The following ZGRF1 variants were observed in gnomAD, a reference collection of about 807,000 sequenced individuals.
ZGRF1 encodes the protein 5'-3' DNA helicase ZGRF1.
Under a neutral mutation model 203.5 loss-of-function variants are expected in ZGRF1, and 196 were observed. That is an observed-to-expected ratio of 0.96 (90% CI 0.86 to 1.08). ZGRF1 has a LOEUF of 1.08. Ranked by LOEUF, ZGRF1 falls within the 50% of genes least tolerant of loss-of-function variation. The pLI is 0.00. For synonymous variants in ZGRF1, 809 were observed against 841.3 expected (o/e 0.96, Z 0.66); for missense variants, 2,326 against 2,416.3 (o/e 0.96, Z 0.78).
In ZGRF1 at chr4:112,618,083, A is replaced by G; in HGVS notation, c.1959T>C (p.Ala653=). Reference sequence around the variant, plus strand: ...CATCTTCTTTATTATCTCCGTATACAGCATCAGTCCACTTGAAAGATTCAA... The same window carrying G: ...CATCTTCTTTATTATCTCCGTATACGGCATCAGTCCACTTGAAAGATTCAA... The part of the protein sequence containing the change: ...SNFESFKWTD[A]VYGDNKEDAN... The change falls in exon 6 of 28, where the codon GCT becomes GCC. Residue 653 remains alanine (A), a synonymous_variant. Transcript: ENST00000505019. 6.2e-7 allele frequency: 1 copy of G among 1,613,964 alleles called. No individual in the cohort carries two copies. Among genetic ancestry groups the G allele is most frequent in the Non-Finnish European group, 8.5e-7 (1 of 1,179,940 alleles).
chr4:112,566,587 A>T (rs1292263198), intron 16 of ZGRF1, among the ~76,000 whole-genome samples: 1 of 152,148 alleles, frequency 6.6e-6, no homozygotes, highest in East Asian at 1.9e-4. Context: ...GCTCAAAAAC[A>T]CTTTTGAATT....
chr4:112,618,249 T>C lies in ZGRF1; in HGVS notation c.1793A>G (p.Lys598Arg). The C allele has an allele frequency of 3.1e-6, 5 of 1,613,954 alleles. No homozygotes were observed. Among genetic ancestry groups the C allele is most frequent in the East Asian group, 2.2e-5 (1 of 44,848 alleles). ...TTTAACAGGAAATGTCACTGTAGGT[T>C]TGTCACTAACAGATGTTAAGAATGG... ...HLPFLTSVSD[K>R]PTVTFPVKET... Residue 598 changes from lysine (K) to arginine (R), a missense_variant, in exon 6 of 28, where the codon AAA (lysine) becomes AGA (arginine). Physicochemically the swap from Lys to Arg is conservative, Grantham distance 26. Coordinates refer to ENST00000505019, the MANE Select transcript of ZGRF1 (RefSeq NM_018392.5).
intron 23 of ZGRF1, among the ~76,000 whole-genome samples, chr4:112,547,811 T>C (rs1047618196): frequency 3.3e-5 from 5 of 152,224 alleles, no homozygotes; most frequent in African/African-American, 1.2e-4. Context: ...TTTTCCTAAA[T>C]AGGAGTAGGA....
intron 16 of ZGRF1, among the ~76,000 whole-genome samples, chr4:112,569,089 T>C (rs1743747816): frequency 6.6e-6 from 1 of 152,212 alleles, no homozygotes; most frequent in Admixed American, 6.5e-5. Context: ...GTATATTAAA[T>C]GTTGGATTAA....
chr4:112,579,048 C>T (rs1469062729), intron 16 of ZGRF1, among the ~76,000 whole-genome samples: 2 of 123,064 alleles, frequency 1.6e-5, no homozygotes, highest in Non-Finnish European at 3.6e-5. Context: ...CTGAATCCAG[C>T]AGCACATCAT....
Position 112,541,226 on chromosome 4 carries a change from G to C in ZGRF1, c.5641C>G (p.Pro1881Ala). 1 of 1,608,286 alleles carries C rather than the reference G, an allele frequency of 6.2e-7. No homozygotes were observed. Among genetic ancestry groups the C allele is most frequent in the South Asian group, 1.1e-5 (1 of 90,112 alleles). Reference protein sequence around the residue: ...ILLRTQYRCHPAISAIANDLF... With the variant: ...ILLRTQYRCHAAISAIANDLF... ...TCATTAGCAATAGCACTGATTGCAG[G>C]ATGACAACGGTATTGAGTTCTCAAT... Residue 1881 changes from proline (P) to alanine (A), a missense_variant, in exon 25 of 28, where the codon CCT (proline) becomes GCT (alanine). By Grantham distance (27) the Pro-to-Ala change is conservative. Coordinates refer to ENST00000505019, the MANE Select transcript of ZGRF1 (RefSeq NM_018392.5).
In ZGRF1 at chr4:112,619,134, GCA is replaced by G. The variant is rs1344395633; in HGVS notation, c.906_907del (p.Ala303Ter). 3 of 1,613,602 alleles carry G rather than the reference GCA, an allele frequency of 1.9e-6. No individual in the cohort carries two copies. The highest frequency in any genetic ancestry group is 2.2e-5 in the East Asian group (1 of 44,876). Reference sequence around the variant, plus strand: ...TAAATTTTCTGTGCTCTTCATCTCAGCACACTCTTCCTGTTGAATTAGGTACT... The same window carrying G: ...TAAATTTTCTGTGCTCTTCATCTCAGCACTCTTCCTGTTGAATTAGGTACT... On this transcript the variant is annotated frameshift_variant, in exon 6 of 28. Coordinates refer to ENST00000505019, the MANE Select transcript of ZGRF1 (RefSeq NM_018392.5). LOFTEE classifies it high-confidence loss of function.
At chr4:112,632,117 CA>C (rs2047431262) in intron 2 of ZGRF1, 107 bp from the exon 3 acceptor site, 22 of 442,618 alleles carry the variant, frequency 5.0e-5, no homozygotes, top group South Asian at 1.7e-4. Context: ...CACCTTTCAT[CA>C]AAAAAAGGCA....
At position 112,539,647 on chromosome 4, in the gene ZGRF1, T is replaced by G; in HGVS notation, c.6215A>C (p.Gln2072Pro). ...ATAATCTTTAAGGAGATGGTTCAGCTGTGGTTCATACTGGTTTGCATGTTG... is the reference window on the plus strand; with the variant it reads ...ATAATCTTTAAGGAGATGGTTCAGCGGTGGTTCATACTGGTTTGCATGTTG... ...GLQHANQYEP[Q>P]LNHLLKDYFE... Residue 2072 changes from glutamine to proline, a missense_variant, in exon 28 of 28, where the codon CAG (glutamine) becomes CCG (proline). Physicochemically the swap from Gln to Pro is moderately conservative, Grantham distance 76 (BLOSUM62 -1). Coordinates refer to ENST00000505019, the MANE Select transcript of ZGRF1 (RefSeq NM_018392.5). The G allele has an allele frequency of 2.5e-6, 4 of 1,608,994 alleles. No homozygotes were observed. Among genetic ancestry groups the G allele is most frequent in the Non-Finnish European group, 2.5e-6 (3 of 1,177,474 alleles).
In ZGRF1 at chr4:112,560,802, C is replaced by T. The variant is rs1400904402; in HGVS notation, c.4891G>A (p.Ala1631Thr). 1.2e-6 allele frequency: 2 copies of T among 1,609,876 alleles called. No homozygotes were observed. The highest frequency in any genetic ancestry group is 1.3e-5 in the African/African-American group (1 of 74,842). ...ACTTCTTCAATGCTTTCATGTGATG[C>T]CATCATTTGAGCTATTTGAATTAGA... The part of the protein sequence containing the change: ...TALIQIAQMM[A>T]SHESIEEVKE... Residue 1631 changes from alanine to threonine, a missense_variant, in exon 19 of 28, where the codon GCA (alanine) becomes ACA (threonine). Transcript: ENST00000505019.
Position 112,553,952 on chromosome 4 carries a change from T to C in ZGRF1, c.5229A>G (p.Glu1743=), listed in dbSNP as rs759746664. ...TTAGTGCATGTAGTTCTTTTAACTG[T>C]TCACTTTCATTTTCTGAGCCAGCAT... ...SLHAGSENES[E]QLKELHALMK... The change falls in exon 22 of 28, where the codon GAA becomes GAG. Residue 1743 remains glutamate (E), a synonymous_variant. Transcript: ENST00000505019. The C allele has an allele frequency of 2.5e-6, 4 of 1,610,292 alleles. No homozygotes were observed. The highest frequency in any genetic ancestry group is 2.7e-5 in the African/African-American group (2 of 74,868).
At chr4:112,556,829 T>C (rs899151734) in intron 20 of ZGRF1, among the ~76,000 whole-genome samples, 3 of 152,130 alleles carry the variant, frequency 2.0e-5, no homozygotes, top group Non-Finnish European at 4.4e-5. Context: ...ACCATAAGTA[T>C]TAACTTATAT....
chr4:112,546,437 T>G (rs147951799), intron 24 of ZGRF1, among the ~76,000 whole-genome samples: 1 of 152,360 alleles, frequency 6.6e-6, no homozygotes, highest in Non-Finnish European at 1.5e-5. Context: ...AAAAAAAGTT[T>G]TTTTTAAGAA....
At chr4:112,625,239 T>C (rs2047194242) in intron 3 of ZGRF1, among the ~76,000 whole-genome samples, 1 of 152,196 alleles carries the variant, frequency 6.6e-6, no homozygotes, top group African/African-American at 2.4e-5. Flanking sequence ...CAGTGAACTA[T>C]GATTGCACCA....
chr4:112,607,262 T>G (rs1275462561), intron 8 of ZGRF1, among the ~76,000 whole-genome samples: 1 of 152,184 alleles, frequency 6.6e-6, no homozygotes, highest in Non-Finnish European at 1.5e-5. Flanking sequence ...TAACTGGGAC[T>G]ACAAGCATGT....
In ZGRF1 at chr4:112,541,212, A is replaced by G; in HGVS notation, c.5655T>C (p.Ala1885=). The change falls in exon 25 of 28, where the codon GCT becomes GCC. Residue 1885 remains alanine, a synonymous_variant. Transcript: ENST00000505019. The part of the protein sequence containing the change: ...TQYRCHPAIS[A]IANDLFYKGA... ...CTTTGTAAAACAGATCATTAGCAAT[A>G]GCACTGATTGCAGGATGACAACGGT... is the stretch of plus-strand genomic sequence containing the variant. 1 of 1,609,964 alleles carries G rather than the reference A, an allele frequency of 6.2e-7. No homozygotes were observed. The highest frequency in any genetic ancestry group is 8.5e-7 in the Non-Finnish European group (1 of 1,176,942).
chr4:112,601,743 A>G (rs1750017036), intron 10 of ZGRF1, among the ~76,000 whole-genome samples: 1 of 152,114 alleles, frequency 6.6e-6, no homozygotes, highest in African/African-American at 2.4e-5. Flanking sequence ...GTCTCAAAAA[A>G]CAACAAAAAA....
chr4:112,554,220 A>ACGC (rs1740521757), intron 21 of ZGRF1, among the ~76,000 whole-genome samples: 1 of 98,382 alleles, frequency 1.0e-5, no homozygotes, highest in Non-Finnish European at 1.9e-5. Flanking sequence ...CACCCACAAC[A>ACGC]CGCCCCAGTG....
chr4:112,618,458 C>G lies in ZGRF1; in HGVS notation c.1584G>C (p.Leu528Phe). ...ESLSNVTQPFLEVTFNLNNFE... is the reference protein window; with the variant it reads ...ESLSNVTQPFFEVTFNLNNFE... Reference sequence around the variant, plus strand: ...AATTGTTCAGATTAAAAGTTACCTCCAAAAATGGTTGTGTTACATTACTCA... The same window carrying G: ...AATTGTTCAGATTAAAAGTTACCTCGAAAAATGGTTGTGTTACATTACTCA... Residue 528 changes from leucine (L) to phenylalanine (F), a missense_variant, in exon 6 of 28, where the codon TTG (leucine) becomes TTC (phenylalanine). Coordinates refer to ENST00000505019, the MANE Select transcript of ZGRF1 (RefSeq NM_018392.5). 1 of 1,613,548 alleles carries G rather than the reference C, an allele frequency of 6.2e-7. No individual in the cohort carries two copies. The highest frequency in any genetic ancestry group is 1.7e-5 in the Admixed American group (1 of 60,008).
Sources: allele counts gnomAD v4.1 joint callset (sites outside exome capture counted in the v4.1 genomes callset), GRCh38; gene constraint gnomAD v4.1.1; transcripts MANE v1.5; gene names NCBI Gene and HGNC (gene_info 2026-07-23, HGNC 2026-07-21).